The following PXDN variants were observed in gnomAD, a reference collection of about 807,000 sequenced individuals.
The protein encoded by PXDN is peroxidasin homolog.
Under a neutral mutation model 140.3 loss-of-function variants are expected in PXDN, and 77 were observed. The observed-to-expected ratio is 0.55, with a 90% CI of 0.46 to 0.66. The LOEUF (loss-of-function observed/expected upper bound fraction) is 0.66. PXDN is among the 30% of genes least tolerant of loss of function. The probability of loss-of-function intolerance (pLI) is 0.00; values close to 1 mark genes in which losing one functional copy is unlikely to be tolerated. For synonymous variants in PXDN, 911 were observed against 857.4 expected, an observed-to-expected ratio of 1.06 and a Z score of -1.09; for missense variants, 1,838 against 2,039.5, an observed-to-expected ratio of 0.90 and a Z score of 1.90.
rs567879995 is a variant in PXDN at position 1,639,253 on chromosome 2, C to A, written c.4073+49G>T. 1.9e-6 allele frequency: 3 copies of A among 1,579,514 alleles called. No homozygotes were observed. Among genetic ancestry groups the A allele is most frequent in the Non-Finnish European group, 2.6e-6 (3 of 1,162,266 alleles). On this transcript the variant is annotated intron_variant, in intron 20 of 22. Transcript: ENST00000252804. The surrounding 1 kb of genome is among the most constrained non-coding windows in gnomAD (Gnocchi z 5.0). ...TGCCGGTCCTACTGCCCGACGCCCG[C>A]GGTGCGAGGGCCCCTCTGCACATCA...
At chr2:1,666,532 A>G (rs200828720) in intron 9 of PXDN, 46 bp from the exon 10 acceptor site, 1 of 1,541,414 alleles carries the variant, frequency 6.5e-7, no homozygotes, top group Non-Finnish European at 8.8e-7. Context: ...TCCCGGTTTG[A>G]CATGGTTTTT....
intron 1 of PXDN, among the ~76,000 whole-genome samples, chr2:1,720,685 T>TTCTCTCTGCATCTC (rs1558526182): frequency 7.9e-5 from 3 of 38,000 alleles, no homozygotes; most frequent in African/African-American, 1.3e-4. Context: ...CTGCATCTCT[T>TTCTCTCTGCATCTC]TCTCTCTCTC....
intron 1 of PXDN, among the ~76,000 whole-genome samples, chr2:1,738,743 G>A (rs772123720): frequency 2.2e-4 from 33 of 152,142 alleles, no homozygotes; most frequent in African/African-American, 7.0e-4. Flanking sequence ...AAGGGGTTTC[G>A]CCATGTAGCT....
intron 1 of PXDN, among the ~76,000 whole-genome samples, chr2:1,697,815 C>T (rs148721253): frequency 6.6e-6 from 1 of 152,344 alleles, no homozygotes; most frequent in African/African-American, 2.4e-5. Context: ...GAGTGGACCA[C>T]TGGGTCACCT....
At chr2:1,683,545 G>GCCACAGGTTTTTCATTTTGCTCTCT in intron 6 of PXDN, 111 bp downstream of exon 6, 1 of 428,714 alleles carries the variant, frequency 2.3e-6, no homozygotes, top group Non-Finnish European at 3.6e-6. Flanking sequence ...CATTCTTTCA[G>GCCACAGGTTTTTCATTTTGCTCTCT]AATCAGATTG....
chr2:1,743,749 G>T (rs1685613594), intron 1 of PXDN, among the ~76,000 whole-genome samples: 1 of 116,496 alleles, frequency 8.6e-6, no homozygotes, highest in Non-Finnish European at 1.8e-5. Context: ...GAGGAGGGGA[G>T]CGAACAGGAC....
intron 14 of PXDN, among the ~76,000 whole-genome samples, chr2:1,655,582 C>T (rs1301068575): frequency 6.6e-6 from 1 of 151,204 alleles, no homozygotes; most frequent in African/African-American, 2.4e-5. Flanking sequence ...CTGACAGAAA[C>T]CTGTCCCCTC....
chr2:1,742,479 G>T (rs1302371384), intron 1 of PXDN, among the ~76,000 whole-genome samples: 2 of 152,208 alleles, frequency 1.3e-5, no homozygotes, highest in Non-Finnish European at 2.9e-5. Context: ...GGCGTTTGTG[G>T]ACGAGCACAC....
At chr2:1,720,720 TCTCTCA>T (rs1271329216) in intron 1 of PXDN, among the ~76,000 whole-genome samples, 653 of 25,428 alleles carry the variant, frequency 0.026, 6 homozygotes, top group Middle Eastern at 0.068. Flanking sequence ...TCTCTCTCTC[TCTCTCA>T]CACACACACA....
intron 1 of PXDN, among the ~76,000 whole-genome samples, chr2:1,724,260 C>T (rs1685123314): frequency 6.6e-6 from 1 of 150,768 alleles, no homozygotes; most frequent in African/African-American, 2.4e-5. Context: ...AAAATTTTTC[C>T]ATCTCTACCA....
chr2:1,720,645 C>G (rs144907572), intron 1 of PXDN, among the ~76,000 whole-genome samples: 14 of 151,014 alleles, frequency 9.3e-5, no homozygotes, highest in African/African-American at 3.0e-4. Context: ...CTCTCTGCAT[C>G]TCTTTCTCTC....
In PXDN at chr2:1,648,557, T is replaced by C. The variant is rs1264964641; in HGVS notation, c.3223A>G (p.Thr1075Ala). 3 of 1,613,662 alleles carry C rather than the reference T, an allele frequency of 1.9e-6. No individual in the cohort carries two copies. The highest frequency in any genetic ancestry group is 2.5e-6 in the Non-Finnish European group (3 of 1,179,896). Residue 1075 changes from threonine to alanine, a missense_variant, in exon 17 of 23, where the codon ACG (threonine) becomes GCG (alanine). Transcript: ENST00000252804. This position sits in a 1 kb window ranked among gnomAD's most constrained non-coding sequence, Gnocchi z 8.9. ...CGGTAAAGCAGTGGGTTGACAAGCG[T>C]GTGGCCAAACCTGAAGGCCGCGGTG... ...FATAAFRFGH[T>A]LVNPLLYRLD... is the part of the protein sequence containing the mutation.
chr2:1,641,099 G>A (rs1303378501), intron 19 of PXDN, among the ~76,000 whole-genome samples: 1 of 152,234 alleles, frequency 6.6e-6, no homozygotes, highest in African/African-American at 2.4e-5. Context: ...AGGCATCAAC[G>A]AAGCAAATGA....
At chr2:1,711,889 G>C (rs563758876) in intron 1 of PXDN, among the ~76,000 whole-genome samples, 2 of 152,168 alleles carry the variant, frequency 1.3e-5, no homozygotes, top group African/African-American at 4.8e-5. Flanking sequence ...TCTCTCAGGA[G>C]GCAGGAGGCT....
At chr2:1,705,141 T>A (rs1299777582) in intron 1 of PXDN, among the ~76,000 whole-genome samples, 5 of 151,616 alleles carry the variant, frequency 3.3e-5, no homozygotes, top group African/African-American at 1.2e-4. Flanking sequence ...TCTGCACACA[T>A]CCCAGTGCCC....
Position 1,648,797 on chromosome 2 carries a change from G to A in PXDN, c.2983C>T (p.His995Tyr). The change falls in exon 17 of 23, where the codon CAC (histidine) becomes TAC (tyrosine). Residue 995 changes from histidine (H) to tyrosine (Y), a missense_variant. By Grantham distance (83) the His-to-Tyr change is moderately conservative (BLOSUM62 2). Around this residue, in one of 5 missense-constraint regions of PXDN, gnomAD observed 850 missense variants for 894.1 expected, o/e 0.95. Coordinates refer to ENST00000252804, the MANE Select transcript of PXDN (RefSeq NM_012293.3). This position sits in a 1 kb window ranked among gnomAD's most constrained non-coding sequence, Gnocchi z 8.9. Reference sequence around the variant, plus strand: ...AGCAGCTCCGTGGCAATGCGGTTGTGCTCGCGGAACCACAGCGTGTGCATG... The same window carrying A: ...AGCAGCTCCGTGGCAATGCGGTTGTACTCGCGGAACCACAGCGTGTGCATG... ...TSMHTLWFRE[H>Y]NRIATELLKL... 6.2e-7 allele frequency: 1 copy of A among 1,603,212 alleles called. No individual in the cohort carries two copies.
chr2:1,684,175 A>AT (rs1683990816), intron 4 of PXDN, 24 bp from the exon 5 acceptor site: 2 of 1,535,650 alleles, frequency 1.3e-6, no homozygotes, highest in Non-Finnish European at 1.8e-6. Context: ...AAGAAAAAAA[A>AT]GTATAACTTA....
intron 1 of PXDN, among the ~76,000 whole-genome samples, chr2:1,715,172 T>C (rs1291954171): frequency 1.3e-5 from 2 of 152,164 alleles, no homozygotes; most frequent in African/African-American, 4.8e-5. Context: ...TCCTGAAAAC[T>C]TCTTCCAAGG....
intron 1 of PXDN, among the ~76,000 whole-genome samples, chr2:1,700,202 C>T (rs375961367): frequency 1.5e-3 from 221 of 152,236 alleles, no homozygotes; most frequent in African/African-American, 5.1e-3. Flanking sequence ...GCTGGGATTA[C>T]AGGCGCATGC....
Sources: allele counts gnomAD v4.1 joint callset (sites outside exome capture counted in the v4.1 genomes callset), GRCh38; gene constraint gnomAD v4.1.1; regional missense constraint gnomAD v4.1.1; non-coding constraint Gnocchi (gnomAD v3.1); transcripts MANE v1.5; gene names NCBI Gene and HGNC (gene_info 2026-07-23, HGNC 2026-07-21).